RBBP8: variants seen among roughly 807,000 people sequenced by gnomAD.
RBBP8 encodes the protein RB binding protein 8, endonuclease, also known as DNA endonuclease RBBP8.
A neutral mutation model predicts 108.3 loss-of-function variants in RBBP8; 88 were observed. The ratio of observed to expected loss-of-function variants is 0.81; its 90% CI spans 0.68 to 0.97. The LOEUF is 0.97. RBBP8 is among the 50% of genes least tolerant of loss of function. The pLI, the probability that RBBP8 is intolerant of heterozygous loss-of-function variation, is 0.00. For synonymous variants in RBBP8, 332 were observed against 348.2 expected (o/e 0.95, Z 0.52); for missense variants, 1,023 against 1,049.0 (o/e 0.98, Z 0.34).
chr18:23,004,416 A>G (rs951377816), intron 15 of RBBP8: 1 of 152,298 alleles, frequency 6.6e-6, no homozygotes, highest in Non-Finnish European at 1.5e-5. Context: ...CCAGGCACAG[A>G]AAGATAAATA....
chr18:22,976,094 A>G (rs1914477114), intron 6 of RBBP8, among the ~76,000 whole-genome samples: 1 of 152,108 alleles, frequency 6.6e-6, no homozygotes, highest in African/African-American at 2.4e-5. Flanking sequence ...AAAACTATGT[A>G]GATGTAACAT....
chr18:22,962,842 C>G (rs1913227428), intron 4 of RBBP8, among the ~76,000 whole-genome samples: 1 of 152,144 alleles, frequency 6.6e-6, no homozygotes, highest in African/African-American at 2.4e-5. Context: ...CTCAAGTGAT[C>G]CACGTGCCTC....
At chr18:22,938,989 A>G (rs942448159) in intron 2 of RBBP8, among the ~76,000 whole-genome samples, 1 of 152,220 alleles carries the variant, frequency 6.6e-6, no homozygotes, top group Non-Finnish European at 1.5e-5. Context: ...GATACACCAT[A>G]TGAAGCTAAG....
chr18:23,008,001 A>G (rs539602852), intron 16 of RBBP8, among the ~76,000 whole-genome samples: 2 of 151,920 alleles, frequency 1.3e-5, no homozygotes, highest in African/African-American at 4.8e-5. Flanking sequence ...TTTAGTAGAG[A>G]CAGGGTTTCA....
At chr18:22,962,303 T>G (rs138503950) in intron 4 of RBBP8, among the ~76,000 whole-genome samples, 1 of 152,312 alleles carries the variant, frequency 6.6e-6, no homozygotes, top group East Asian at 1.9e-4. Flanking sequence ...TGACATTTCT[T>G]TAATAGTCCA....
At chr18:22,938,297 GTTTGTT>G (rs139108773) in intron 2 of RBBP8, among the ~76,000 whole-genome samples, 10,534 of 151,966 alleles carry the variant, frequency 0.069, 415 homozygotes, top group Middle Eastern at 0.12. Context: ...TGCCCAGCTA[GTTTGTT>G]TTTGTTTTTG....
chr18:22,938,855 GA>G (rs1457577997), intron 2 of RBBP8, among the ~76,000 whole-genome samples: 14 of 152,192 alleles, frequency 9.2e-5, no homozygotes, highest in Non-Finnish European at 7.3e-5. Context: ...AGTCTTAGTA[GA>G]GTCGTGTAAA....
upstream of RBBP8, among the ~76,000 whole-genome samples, chr18:22,933,019 G>C (rs1567941532): frequency 1.3e-5 from 2 of 152,194 alleles, no homozygotes; most frequent in Admixed American, 6.5e-5. Context: ...TTCGGTACAG[G>C]TCACTCTACA....
intron 16 of RBBP8, among the ~76,000 whole-genome samples, chr18:23,011,790 G>A (rs1218055990): frequency 6.6e-6 from 1 of 152,064 alleles, no homozygotes; most frequent in African/African-American, 2.4e-5. Context: ...GCCCGTGTAA[G>A]ACAGCGAACT....
At chr18:22,949,567 C>A in intron 3 of RBBP8, 51 bp from the exon 4 acceptor site, 1 of 1,281,366 alleles carries the variant, frequency 7.8e-7, no homozygotes, top group Admixed American at 1.7e-5. Context: ...TTAGAATTAT[C>A]CTGTTAAGAG....
At chr18:22,985,994 TCCC>T (rs1164184901) in intron 8 of RBBP8, among the ~76,000 whole-genome samples, 2 of 127,302 alleles carry the variant, frequency 1.6e-5, no homozygotes, top group African/African-American at 5.9e-5. Context: ...ATTTCCCCCC[TCCC>T]CCCAGTCCCT....
In RBBP8 at chr18:22,993,845, A is replaced by G. The variant is rs2045795909; in HGVS notation, c.1937A>G (p.Gln646Arg). 3 of 1,612,502 alleles carry G rather than the reference A, an allele frequency of 1.9e-6. No individual in the cohort carries two copies. The change falls in exon 12 of 19, where the codon CAA becomes CGA. Residue 646 changes from glutamine (Q) to arginine (R), a missense_variant and splice_region_variant. Physicochemically the swap from Gln to Arg is conservative, Grantham distance 43 (BLOSUM62 1). Transcript: ENST00000327155. ...TGKIKSLQNNQDVSFENIQWS... is the reference protein window; with the variant it reads ...TGKIKSLQNNRDVSFENIQWS... Reference sequence around the variant, plus strand: ...AAAATAAAGTCTCTACAAAACAACCAAGGTGTGTACACCATAAACAGGATC... The same window carrying G: ...AAAATAAAGTCTCTACAAAACAACCGAGGTGTGTACACCATAAACAGGATC...
intron 6 of RBBP8, among the ~76,000 whole-genome samples, chr18:22,978,922 C>T (rs1780719893): frequency 6.6e-6 from 1 of 152,104 alleles, no homozygotes; most frequent in South Asian, 2.1e-4. Context: ...AAACATGTAT[C>T]AAAACATTTT....
rs1406343466 is a variant in RBBP8, at chr18:22,933,406, G to A, written c.-257G>A. 6.5e-6 allele frequency: 1 copy of A among 153,950 alleles called. No homozygotes were observed. Among genetic ancestry groups the A allele is most frequent in the Non-Finnish European group, 1.5e-5 (1 of 68,194 alleles). 9.5% of individuals were successfully genotyped at this position (153,950 alleles called of 1,614,324 possible). A position where few individuals can be genotyped will look rare whatever the true frequency, so the allele number is the denominator to read the frequency against. ...GGCCGGCAGCCCCCGGCCTTAAAGC[G>A]CGGGCTGTCCGGAGGGGTCGGCTTT... On this transcript the variant is annotated 5_prime_UTR_variant, in exon 1 of 19. Transcript: ENST00000327155.
chr18:22,926,534 C>T (rs544815740), intron 3 of RBBP8, among the ~76,000 whole-genome samples: 44 of 152,298 alleles, frequency 2.9e-4, no homozygotes, highest in Non-Finnish European at 5.4e-4. Flanking sequence ...TACTGTTTAA[C>T]CTTCTTTATC....
intron 10 of RBBP8, among the ~76,000 whole-genome samples, chr18:22,992,123 G>C (rs748902882): frequency 6.6e-6 from 1 of 152,110 alleles, no homozygotes; most frequent in Non-Finnish European, 1.5e-5. Flanking sequence ...GTTCAATTCT[G>C]TAGTGTAAGA....
chr18:22,994,693 C>A, intron 12 of RBBP8, among the ~76,000 whole-genome samples: 1 of 150,686 alleles, frequency 6.6e-6, no homozygotes. Flanking sequence ...GATATATAGG[C>A]ATCTTTTCAT....
intron 3 of RBBP8, among the ~76,000 whole-genome samples, chr18:22,926,136 C>G (rs550253123): frequency 5.8e-4 from 88 of 152,204 alleles, no homozygotes; most frequent in African/African-American, 2.1e-3. Flanking sequence ...CATAAGAAAT[C>G]ATTTTGCTGG....
Position 22,992,910 on chromosome 18 carries a change from A to C in RBBP8, c.1083A>C (p.Thr361=). ...LQPGKKKHLK[T]LPFSNTCISR... is the part of the protein sequence containing the mutation. Reference sequence around the variant, plus strand: ...CTGGGAAAAAAAAACATCTGAAAACACTCCCTTTTAGCAACACTTGTATAT... The same window carrying C: ...CTGGGAAAAAAAAACATCTGAAAACCCTCCCTTTTAGCAACACTTGTATAT... The change falls in exon 11 of 19, where the codon ACA becomes ACC. Residue 361 remains threonine (T), a synonymous_variant. Coordinates refer to ENST00000327155, the MANE Select transcript of RBBP8 (RefSeq NM_002894.3). 1 of 1,613,900 alleles carries C rather than the reference A, an allele frequency of 6.2e-7. No homozygotes were observed. Among genetic ancestry groups the C allele is most frequent in the African/African-American group, 1.3e-5 (1 of 75,004 alleles).
Sources: gnomAD v4.1 joint callset for allele counts (sites outside exome capture counted in the v4.1 genomes callset) on GRCh38, gnomAD v4.1.1 for gene constraint, MANE v1.5 for transcripts, NCBI Gene and HGNC (gene_info 2026-07-23, HGNC 2026-07-21) for gene names.